Variants in SCAPER observed in about 807,000 individuals in gnomAD.
SCAPER encodes the protein S phase cyclin A-associated protein in the endoplasmic reticulum.
Under a neutral mutation model 182.2 loss-of-function variants are expected in SCAPER, and 98 were observed. The observed-to-expected ratio is 0.54, with a 90% CI of 0.46 to 0.64. SCAPER has a LOEUF of 0.64. Among genes scored for constraint, SCAPER ranks in the 30% least tolerant of loss-of-function variants. SCAPER has a pLI of 0.00. For missense variants in SCAPER, 1,432 were observed against 1,690.0 expected, an observed-to-expected ratio of 0.85 and a Z score of 2.68; for synonymous variants, 605 against 564.6, an observed-to-expected ratio of 1.07 and a Z score of -1.01.
At chr15:76,877,604 G>C (rs1270456487) in intron 2 of SCAPER, among the ~76,000 whole-genome samples, 1 of 152,208 alleles carries the variant, frequency 6.6e-6, no homozygotes, top group South Asian at 2.1e-4. Flanking sequence ...GTGATGTACT[G>C]AGGACACATC....
At chr15:76,484,880 A>C (rs1440340018) in intron 24 of SCAPER, among the ~76,000 whole-genome samples, 1 of 150,676 alleles carries the variant, frequency 6.6e-6, no homozygotes, top group Non-Finnish European at 1.5e-5. Context: ...AAACCTCAAT[A>C]AACTAGGTAT....
intron 26 of SCAPER, among the ~76,000 whole-genome samples, chr15:76,421,436 T>C (rs1250006196): frequency 1.3e-5 from 2 of 152,372 alleles, no homozygotes; most frequent in East Asian, 3.9e-4. Flanking sequence ...GGAGTGTCTG[T>C]TCATATCCTT....
At chr15:76,447,825 C>T (rs1296063812) in intron 25 of SCAPER, among the ~76,000 whole-genome samples, 1 of 152,130 alleles carries the variant, frequency 6.6e-6, no homozygotes, top group African/African-American at 2.4e-5. Flanking sequence ...GGTCTTGCCT[C>T]CCAGAGTTCA....
intron 20 of SCAPER, among the ~76,000 whole-genome samples, chr15:76,676,492 A>T (rs1453479906): frequency 6.6e-6 from 1 of 152,188 alleles, no homozygotes; most frequent in Non-Finnish European, 1.5e-5. Context: ...TTAGTAAGTG[A>T]TCAGTCAAAA....
At chr15:76,401,538 C>T (rs1449253759) in intron 27 of SCAPER, among the ~76,000 whole-genome samples, 2 of 152,126 alleles carry the variant, frequency 1.3e-5, no homozygotes, top group African/African-American at 4.8e-5. Context: ...AAATTTGATC[C>T]TGTCCTCCCT....
Position 76,648,972 on chromosome 15 carries a change from A to G in SCAPER, c.2645+16681T>C, listed in dbSNP as rs540016434. ...GCCAGCTTCTTCACACTTTGCAAAC[A>G]GCACACCTGGTCCAACCAATCTCTT... On this transcript the variant is annotated intron_variant, in intron 21 of 31. Coordinates refer to ENST00000563290, the MANE Select transcript of SCAPER (RefSeq NM_020843.4). Among the ~76,000 whole-genome samples the G allele has an allele frequency of 9.7e-4, 148 of 152,352 alleles. 1 individual carries two copies. The highest frequency in any genetic ancestry group is 3.5e-3 in the African/African-American group (145 of 41,590).
At chr15:76,790,100 G>T (rs377226498) in intron 8 of SCAPER, among the ~76,000 whole-genome samples, 3 of 151,780 alleles carry the variant, frequency 2.0e-5, no homozygotes, top group Non-Finnish European at 2.9e-5. Flanking sequence ...GCGTGGTGGC[G>T]GGCGCCTGTA....
intron 1 of SCAPER, among the ~76,000 whole-genome samples, chr15:76,888,546 C>T (rs117337876): frequency 0.081 from 12,237 of 151,762 alleles, 705 homozygotes; most frequent in Non-Finnish European, 0.12. Flanking sequence ...CCTCAGCAGC[C>T]GATTCAATCA....
intron 10 of SCAPER, among the ~76,000 whole-genome samples, chr15:76,768,126 T>C (rs1419174501): frequency 6.6e-6 from 1 of 152,076 alleles, no homozygotes; most frequent in Non-Finnish European, 1.5e-5. Context: ...ATGCAACCAC[T>C]TTGGAAAGCA....
At chr15:76,724,977 A>T (rs1465717402) in intron 17 of SCAPER, among the ~76,000 whole-genome samples, 1 of 152,012 alleles carries the variant, frequency 6.6e-6, no homozygotes, top group Admixed American at 6.6e-5. Context: ...GAGGAGCTGC[A>T]TTCCTCAGTT....
chr15:76,605,508 G>C (rs1490084833), intron 22 of SCAPER, among the ~76,000 whole-genome samples: 2 of 152,178 alleles, frequency 1.3e-5, no homozygotes, highest in East Asian at 3.8e-4. Flanking sequence ...TCTCTGCCAG[G>C]CTTTGGTATC....
At chr15:76,756,829 A>C (rs538025303) in intron 14 of SCAPER, among the ~76,000 whole-genome samples, 2 of 152,326 alleles carry the variant, frequency 1.3e-5, no homozygotes, top group East Asian at 3.9e-4. Context: ...CATTTTTCAG[A>C]AAAAGAAACT....
intron 23 of SCAPER, among the ~76,000 whole-genome samples, chr15:76,510,108 G>A (rs1299584074): frequency 6.6e-6 from 1 of 152,126 alleles, no homozygotes; most frequent in Admixed American, 6.5e-5. Context: ...TCTAAGACCT[G>A]AAACTATAAA....
chr15:76,593,481 G>C (rs1181617350), intron 22 of SCAPER, among the ~76,000 whole-genome samples: 1 of 121,192 alleles, frequency 8.3e-6, no homozygotes, highest in Admixed American at 9.3e-5. Flanking sequence ...ATAAAGGACA[G>C]ACTGCCACCT....
intron 21 of SCAPER, among the ~76,000 whole-genome samples, chr15:76,632,182 G>A (rs749245646): frequency 1.8e-4 from 28 of 151,860 alleles, no homozygotes; most frequent in Non-Finnish European, 3.4e-4. Context: ...TAACAGCTCC[G>A]GTAACGGTTT....
intron 1 of SCAPER, among the ~76,000 whole-genome samples, chr15:76,902,090 A>G (rs1595974426): frequency 6.6e-6 from 1 of 152,198 alleles, no homozygotes; most frequent in East Asian, 1.9e-4. Context: ...CACAAGACCC[A>G]TAGCCAATCA....
rs1170844341 is a variant in SCAPER, at chr15:76,601,909, T to C, written c.2711+19855A>G. 1.6e-5 allele frequency among the ~76,000 whole-genome samples: 2 copies of C among 121,360 alleles called. 1 individual carries two copies. Among genetic ancestry groups the C allele is most frequent in the Middle Eastern group, 8.9e-3 (2 of 224 alleles). 79.6% of individuals were successfully genotyped at this position (121,360 alleles called of 152,430 possible). On this transcript the variant is annotated intron_variant, in intron 22 of 31. Transcript: ENST00000563290. ...CAGGAACCCCATGTAAAGCAAAATC[T>C]GCACATATTCAAGTCCTGCAGTCGG... is the stretch of plus-strand genomic sequence containing the variant.
chr15:76,630,614 T>G (rs554560184), intron 21 of SCAPER, among the ~76,000 whole-genome samples: 197 of 152,284 alleles, frequency 1.3e-3, no homozygotes, highest in African/African-American at 4.4e-3. Flanking sequence ...TGGTTTTGCG[T>G]GGGTTTCTTA....
chr15:76,795,576 T>A, intron 7 of SCAPER, 136 bp from the exon 8 acceptor site: 1 of 554,988 alleles, frequency 1.8e-6, no homozygotes, highest in Non-Finnish European at 2.8e-6. Flanking sequence ...CACGGCAATT[T>A]AAGGTAACTA....
Sources: allele counts gnomAD v4.1 joint callset (sites outside exome capture counted in the v4.1 genomes callset), GRCh38; gene constraint gnomAD v4.1.1; transcripts MANE v1.5; gene names NCBI Gene and HGNC (gene_info 2026-07-23, HGNC 2026-07-21).